SMG6: variants seen among roughly 807,000 people sequenced by gnomAD.
SMG6 encodes SMG6 nonsense mediated mRNA decay factor.
SMG6 carries 66 observed loss-of-function variants against 142.2 expected under a neutral mutation model. That is an observed-to-expected ratio of 0.46 (90% CI 0.38 to 0.57). The LOEUF is 0.57. Ranked by LOEUF, SMG6 falls within the 20% of genes least tolerant of loss-of-function variation. The pLI, the probability that SMG6 is intolerant of heterozygous loss-of-function variation, is 0.00. For missense variants in SMG6, 1,793 were observed against 1,832.0 expected, an observed-to-expected ratio of 0.98 and a Z score of 0.39; for synonymous variants, 779 against 702.4, an observed-to-expected ratio of 1.11 and a Z score of -1.72.
chr17:2,186,934 G>A, intron 11 of SMG6, 103 bp from the exon 12 acceptor site: 1 of 1,271,374 alleles, frequency 7.9e-7, no homozygotes, highest in Non-Finnish European at 1.1e-6. Flanking sequence ...GGGAGACCAA[G>A]TCCACAGGAA....
At chr17:2,083,358 G>C (rs1429714259) in intron 14 of SMG6, among the ~76,000 whole-genome samples, 1 of 152,230 alleles carries the variant, frequency 6.6e-6, no homozygotes, top group East Asian at 1.9e-4. Flanking sequence ...GAATCTAGGG[G>C]TGTTTTGGTA....
At chr17:2,138,344 C>G (rs1244132297) in intron 13 of SMG6, among the ~76,000 whole-genome samples, 1 of 152,070 alleles carries the variant, frequency 6.6e-6, no homozygotes, top group African/African-American at 2.4e-5. Flanking sequence ...GAAGTTTATC[C>G]CTGACATCTA....
At chr17:2,108,069 TTTTTG>T (rs1475489499) in intron 13 of SMG6, among the ~76,000 whole-genome samples, 2 of 152,186 alleles carry the variant, frequency 1.3e-5, no homozygotes, top group Admixed American at 1.3e-4. Context: ...AACAGGTTTT[TTTTTG>T]TTTTGTTTTG....
intron 9 of SMG6, among the ~76,000 whole-genome samples, chr17:2,243,215 C>T (rs1036226108): frequency 6.6e-6 from 1 of 152,196 alleles, no homozygotes. Flanking sequence ...CTTGCAATGA[C>T]CATCACTATC....
chr17:2,298,961 G>A lies in SMG6; in HGVS notation c.1792C>T (p.Leu598=), dbSNP rs2151413404. ...ADNQELQLSN[L]LSRDRISPEG... is the part of the protein sequence containing the mutation. ...GGACTGATGCGGTCCCTGGAGAGCA[G>A]GTTGCTGAGCTGCAGTTCCTGGTTG... The change falls in exon 2 of 19, where the codon CTG becomes TTG. Residue 598 remains leucine (L), a synonymous_variant. Transcript: ENST00000263073. The A allele has an allele frequency of 1.2e-6, 2 of 1,614,160 alleles. No individual in the cohort carries two copies. Among genetic ancestry groups the A allele is most frequent in the Non-Finnish European group, 8.5e-7 (1 of 1,180,034 alleles).
chr17:2,104,445 C>T (rs2069099023), intron 13 of SMG6, among the ~76,000 whole-genome samples: 1 of 151,912 alleles, frequency 6.6e-6, no homozygotes, highest in South Asian at 2.1e-4. Flanking sequence ...AAAAGAAGTC[C>T]TCACAAGTGA....
intron 15 of SMG6, among the ~76,000 whole-genome samples, chr17:2,080,491 G>A (rs564620867): frequency 6.6e-6 from 1 of 152,192 alleles, no homozygotes; most frequent in African/African-American, 2.4e-5. Flanking sequence ...CCCTGGCCAG[G>A]GTGATTAGAC....
chr17:2,129,793 C>CAAAAAAAAAAAAAAAAAAAAA (rs57556112), intron 13 of SMG6, among the ~76,000 whole-genome samples: 1 of 56,320 alleles, frequency 1.8e-5, no homozygotes, highest in African/African-American at 6.2e-5. Context: ...GGCTCTGTCT[C>CAAAAAAAAAAAAAAAAAAAAA]AAAAAAAAAA....
rs1398094410 is a variant in SMG6, at chr17:2,060,221, C to T, written c.*1271G>A. The T allele has an allele frequency of 1.3e-5, 2 of 152,348 alleles. No homozygotes were observed. Among genetic ancestry groups the T allele is most frequent in the Non-Finnish European group, 2.9e-5 (2 of 68,152 alleles). 9.4% of individuals were successfully genotyped at this position (152,348 alleles called of 1,614,324 possible). On this transcript the variant is annotated 3_prime_UTR_variant, in exon 19 of 19. Transcript: ENST00000263073. ...GGCTCCACCGAAAACCCCGTCTTCC[C>T]CTAAGTTGTCCTTGTCTCTGGCCCT...
intron 1 of SMG6, 46 bp from the exon 2 acceptor site, chr17:2,300,710 G>C (rs748468689): frequency 6.7e-7 from 1 of 1,485,422 alleles, no homozygotes. Flanking sequence ...TAGAAGATAA[G>C]AATAAAGAAG....
intron 10 of SMG6, among the ~76,000 whole-genome samples, chr17:2,212,314 G>A (rs2072888552): frequency 6.6e-6 from 1 of 152,168 alleles, no homozygotes; most frequent in African/African-American, 2.4e-5. Context: ...ACATAAGCAA[G>A]AGTGAGACAG....
intron 8 of SMG6, among the ~76,000 whole-genome samples, chr17:2,271,613 G>T (rs1458047444): frequency 6.6e-6 from 1 of 152,062 alleles, no homozygotes; most frequent in Non-Finnish European, 1.5e-5. Context: ...TACTCAGGAG[G>T]CTGAGGCGGG....
At chr17:2,258,552 G>C (rs575430787) in intron 8 of SMG6, among the ~76,000 whole-genome samples, 1 of 124,248 alleles carries the variant, frequency 8.0e-6, no homozygotes, top group South Asian at 2.5e-4. Flanking sequence ...GTAAGACTCT[G>C]TCTCAAAAAA....
At chr17:2,224,852 A>G (rs2073271562) in intron 10 of SMG6, among the ~76,000 whole-genome samples, 1 of 152,224 alleles carries the variant, frequency 6.6e-6, no homozygotes, top group African/African-American at 2.4e-5. Flanking sequence ...AAAGATTTTA[A>G]AAAGACCTGG....
intron 13 of SMG6, among the ~76,000 whole-genome samples, chr17:2,110,103 A>AAAAAAAC (rs2069270636): frequency 6.6e-6 from 1 of 151,274 alleles, no homozygotes; most frequent in Admixed American, 6.6e-5. Flanking sequence ...AAAAAAAAAA[A>AAAAAAAC]AAGACAACAC....
rs371717868 is a variant in SMG6, at chr17:2,172,625, C to T, written c.3357+33G>A. The T allele has an allele frequency of 1.6e-5, 26 of 1,606,366 alleles. No individual in the cohort carries two copies. In the African/African-American group the frequency reaches 2.1e-4, roughly 13 times the overall value. The stretch of plus-strand genomic sequence containing the variant: ...AAGTCTGGAGAATTAAGAGGAGGGG[C>T]GAATGGGGAGGGATGTTTGGCCTGG... On this transcript the variant is annotated intron_variant, in intron 13 of 18. Transcript: ENST00000263073.
chr17:2,220,150 T>G (rs1171907016), intron 10 of SMG6, among the ~76,000 whole-genome samples: 1 of 152,014 alleles, frequency 6.6e-6, no homozygotes, highest in Non-Finnish European at 1.5e-5. Flanking sequence ...CTCAAACTCC[T>G]GGGCTCAAGT....
At chr17:2,061,775 C>G in intron 18 of SMG6, 153 bp from the exon 19 acceptor site, 1 of 883,666 alleles carries the variant, frequency 1.1e-6, no homozygotes, top group Non-Finnish European at 1.7e-6. Context: ...TCCGGGCTCT[C>G]AGCCCCGGGG....
chr17:2,129,333 A>G (rs1193914891), intron 13 of SMG6, among the ~76,000 whole-genome samples: 2 of 152,166 alleles, frequency 1.3e-5, no homozygotes, highest in African/African-American at 4.8e-5. Flanking sequence ...TAAAAAAATT[A>G]TTAATGTGTA....
Sources: allele counts gnomAD v4.1 joint callset (sites outside exome capture counted in the v4.1 genomes callset), GRCh38; gene constraint gnomAD v4.1.1; transcripts MANE v1.5; gene names NCBI Gene and HGNC (gene_info 2026-07-23, HGNC 2026-07-21).